KDM2B: variants seen among roughly 807,000 people sequenced by gnomAD.
The protein encoded by KDM2B is lysine-specific demethylase 2B.
A neutral mutation model predicts 150.0 loss-of-function variants in KDM2B; 26 were observed. The observed-to-expected ratio is 0.17, with a 90% CI of 0.13 to 0.24. The LOEUF (loss-of-function observed/expected upper bound fraction) is 0.24. Ranked by LOEUF, KDM2B falls within the 10% of genes least tolerant of loss-of-function variation. The pLI is 1.00. For synonymous variants in KDM2B, 734 were observed against 729.5 expected, an observed-to-expected ratio of 1.01 and a Z score of -0.10; for missense variants, 1,265 against 1,816.9, an observed-to-expected ratio of 0.70 and a Z score of 5.52.
In KDM2B at chr12:121,537,333, C is replaced by G. The variant is rs948800019; in HGVS notation, c.684-2743G>C. ...ACCTCTGCAGCTTCCTCTTCCCAAGCACACCGCAGTCACATGGGCACCCCG... is the reference window on the plus strand; with the variant it reads ...ACCTCTGCAGCTTCCTCTTCCCAAGGACACCGCAGTCACATGGGCACCCCG... On this transcript the variant is annotated intron_variant, in intron 6 of 22. Transcript: ENST00000377071. The surrounding 1 kb of genome is among the most constrained non-coding windows in gnomAD (Gnocchi z 8.7). 1.3e-5 allele frequency: 2 copies of G among 152,712 alleles called. No individual in the cohort carries two copies. The highest frequency in any genetic ancestry group is 2.9e-5 in the Non-Finnish European group (2 of 68,438). 9.5% of individuals were successfully genotyped at this position (152,712 alleles called of 1,614,324 possible).
At chr12:121,578,487 G>A (rs1555317232) in intron 2 of KDM2B, among the ~76,000 whole-genome samples, 1 of 152,002 alleles carries the variant, frequency 6.6e-6, no homozygotes, top group African/African-American at 2.4e-5. Context: ...GGAGGGGGAG[G>A]ACGCGGCGCT....
chr12:121,578,850 G>A lies in KDM2B; in HGVS notation c.223C>T (p.Arg75Cys), dbSNP rs1289035501. Residue 75 changes from arginine to cysteine, a missense_variant, in exon 2 of 23, where the codon CGC becomes TGC. Coordinates refer to ENST00000377071, the MANE Select transcript of KDM2B (RefSeq NM_032590.5). ...AAGTCCCCCTGGTACAGCTGGCTGC[G>A]AAGCTTCTCCTCCAGGCTGAAGCCG... ...VRGFSLEEKL[R>C]SQLYQGDFVH... is the part of the protein sequence containing the mutation. The A allele has an allele frequency of 1.9e-6, 3 of 1,610,410 alleles. No homozygotes were observed. In the East Asian group the frequency reaches 6.7e-5, roughly 36 times the overall value.
chr12:121,580,094 C>T (rs782417976), intron 1 of KDM2B: 31 of 1,584,754 alleles, frequency 2.0e-5, no homozygotes, highest in Non-Finnish European at 2.6e-5. Context: ...ACACTCCTGC[C>T]CCCTGCATTT....
In KDM2B at chr12:121,442,813, C is replaced by T. The variant is rs781941158; in HGVS notation, c.2628G>A (p.Glu876=). The T allele has an allele frequency of 9.8e-6, 15 of 1,525,708 alleles. No homozygotes were observed. The South Asian group carries it at 2.0e-4, about 20-fold the overall frequency. 94.5% of individuals were successfully genotyped at this position (1,525,708 alleles called of 1,614,324 possible). A position where few individuals can be genotyped will look rare whatever the true frequency, so the allele number is the denominator to read the frequency against. The part of the protein sequence containing the change: ...RKKRRSWKNA[E]DRMALANKPL... ...GCTTGTTGGCCAGCGCCATGCGGTCCTCGGCGTTCTTCCAGGACCGCCGCT... is the reference window on the plus strand; with the variant it reads ...GCTTGTTGGCCAGCGCCATGCGGTCTTCGGCGTTCTTCCAGGACCGCCGCT... Residue 876 remains glutamate (E), a synonymous_variant, in exon 19 of 23, where the codon GAG becomes GAA. Coordinates refer to ENST00000377071, the MANE Select transcript of KDM2B (RefSeq NM_032590.5). The surrounding 1 kb of genome is among the most constrained non-coding windows in gnomAD (Gnocchi z 7.7).
At chr12:121,523,662 C>T (rs991657756) in intron 8 of KDM2B, among the ~76,000 whole-genome samples, 4 of 152,216 alleles carry the variant, frequency 2.6e-5, no homozygotes, top group Non-Finnish European at 5.9e-5. Context: ...AGCCGCTGTC[C>T]CTTCCCACCA....
the KDM2B span, chr12:121,420,757 A>G: frequency 6.2e-7 from 1 of 1,613,390 alleles, no homozygotes; most frequent in African/African-American, 1.3e-5. Flanking sequence ...ATACAAAGAG[A>G]ATGAAGAAAA....
chr12:121,414,326 C>A, the KDM2B span, among the ~76,000 whole-genome samples: 12 of 152,356 alleles, frequency 7.9e-5, no homozygotes, highest in Non-Finnish European at 1.6e-4. Flanking sequence ...AAAGCCTATT[C>A]GTTCTAAACA....
chr12:121,422,454 C>T, the KDM2B span, among the ~76,000 whole-genome samples: 1,768 of 152,344 alleles, frequency 0.012, 19 homozygotes, highest in Non-Finnish European at 0.015. Flanking sequence ...CTAGTGCCTT[C>T]TCCATTGGCA....
rs1555305877 is a variant in KDM2B at position 121,521,130 on chromosome 12, G to A, written c.932-30C>T. The stretch of plus-strand genomic sequence containing the variant: ...GGTGGGAAGGGCAAGGAGAGGATGA[G>A]CCGCTGGCCCCTGTGGGCTCCCACA... On this transcript the variant is annotated intron_variant, in intron 8 of 22. Transcript: ENST00000377071. The surrounding 1 kb of genome is among the most constrained non-coding windows in gnomAD (Gnocchi z 4.9). 2 of 1,515,660 alleles carry A rather than the reference G, an allele frequency of 1.3e-6. No homozygotes were observed. Among genetic ancestry groups the A allele is most frequent in the Non-Finnish European group, 9.2e-7 (1 of 1,091,486 alleles). The allele number at this position is 1,515,660 out of a possible 1,614,324, so 93.9% of individuals were successfully genotyped here.
the KDM2B span, chr12:121,417,955 T>C: frequency 5.7e-6 from 9 of 1,584,160 alleles, no homozygotes; most frequent in Admixed American, 7.2e-5. The surrounding 1 kb of genome is among the most constrained non-coding windows in gnomAD (Gnocchi z 5.0). Context: ...GGCACGCTTA[T>C]TCTTGGCCGT....
At chr12:121,511,281 A>ATTTT (rs35590443) in intron 10 of KDM2B, among the ~76,000 whole-genome samples, 6 of 110,442 alleles carry the variant, frequency 5.4e-5, no homozygotes, top group Admixed American at 9.4e-5. Context: ...AATGCTAGGA[A>ATTTT]TTTTTTTTTT....
chr12:121,571,445 C>A (rs1270386022), intron 4 of KDM2B, among the ~76,000 whole-genome samples: 3 of 151,340 alleles, frequency 2.0e-5, no homozygotes, highest in Admixed American at 6.6e-5. Context: ...TGTGCCACCA[C>A]ACGTGGTGAA....
At chr12:121,523,703 T>G (rs145236150) in intron 8 of KDM2B, among the ~76,000 whole-genome samples, 74 of 152,300 alleles carry the variant, frequency 4.9e-4, no homozygotes, top group Admixed American at 1.2e-3. Context: ...CTGGCCATCC[T>G]CAGGGGAGAG....
At chr12:121,451,836 C>T (rs782393182) in intron 13 of KDM2B, among the ~76,000 whole-genome samples, 5 of 151,996 alleles carry the variant, frequency 3.3e-5, no homozygotes, top group Non-Finnish European at 7.4e-5. Flanking sequence ...CGCTTGAACC[C>T]AGGAGGCAGG....
At position 121,521,193 on chromosome 12, in the gene KDM2B, G is replaced by A. The variant is rs1175307568; in HGVS notation, c.932-93C>T. The A allele has an allele frequency of 1.3e-5, 11 of 843,596 alleles. No individual in the cohort carries two copies. The highest frequency in any genetic ancestry group is 2.2e-5 in the Non-Finnish European group (11 of 509,582). 52.3% of individuals were successfully genotyped at this position (843,596 alleles called of 1,614,324 possible). Reference sequence around the variant, plus strand: ...GCAGGGAGGGAGAGCGAGCGTGCAGGAGGGTGCAGGGAGTGGAGAAGAGCA... The same window carrying A: ...GCAGGGAGGGAGAGCGAGCGTGCAGAAGGGTGCAGGGAGTGGAGAAGAGCA... On this transcript the variant is annotated intron_variant, in intron 8 of 22. Coordinates refer to ENST00000377071, the MANE Select transcript of KDM2B (RefSeq NM_032590.5). The surrounding 1 kb of genome is among the most constrained non-coding windows in gnomAD (Gnocchi z 4.9).
rs1314593633 is a variant in KDM2B, at chr12:121,452,471, G to A, written c.1959+649C>T. 2.6e-5 allele frequency among the ~76,000 whole-genome samples: 4 copies of A among 152,232 alleles called. No individual in the cohort carries two copies. The highest frequency in any genetic ancestry group is 7.2e-5 in the African/African-American group (3 of 41,460). ...CCTCCAGCCGAGCCTGCTTTTCCAC[G>A]GGGACTGGGAGATGACTCCTCCACA... On this transcript the variant is annotated intron_variant, in intron 13 of 22. Transcript: ENST00000377071. This position sits in a 1 kb window ranked among gnomAD's most constrained non-coding sequence, Gnocchi z 4.4.
chr12:121,574,339 G>A (rs990922828), intron 4 of KDM2B: 9 of 515,766 alleles, frequency 1.7e-5, no homozygotes, highest in South Asian at 1.2e-4. Context: ...ACTGTGTACC[G>A]GCAAACGCCC....
chr12:121,465,361 T>C (rs1198816736), intron 12 of KDM2B, among the ~76,000 whole-genome samples: 1 of 152,116 alleles, frequency 6.6e-6, no homozygotes, highest in Non-Finnish European at 1.5e-5. Flanking sequence ...AGCCTCCTGA[T>C]TAGCTGGGAT....
chr12:121,421,844 C>T, the KDM2B span, among the ~76,000 whole-genome samples: 188 of 152,262 alleles, frequency 1.2e-3, 4 homozygotes, highest in East Asian at 0.035. Context: ...TTAAACAGCC[C>T]TCCCATCATT....
Sources: gnomAD v4.1 joint callset for allele counts (sites outside exome capture counted in the v4.1 genomes callset) on GRCh38, gnomAD v4.1.1 for gene constraint, Gnocchi (gnomAD v3.1) non-coding constraint, MANE v1.5 for transcripts, NCBI Gene and HGNC (gene_info 2026-07-23, HGNC 2026-07-21) for gene names.